ZC3H11A: variants seen among roughly 807,000 people sequenced by gnomAD.
ZC3H11A encodes the protein zinc finger CCCH domain-containing protein 11A.
Under a neutral mutation model 90.8 loss-of-function variants are expected in ZC3H11A, and 22 were observed. That is an observed-to-expected ratio of 0.24 (90% CI 0.17 to 0.35). The LOEUF (loss-of-function observed/expected upper bound fraction) is 0.35, where lower values mean the gene tolerates loss of function less well. ZC3H11A is among the 10% of genes least tolerant of loss of function. The pLI is 1.00. For synonymous variants in ZC3H11A, 294 were observed against 339.8 expected (o/e 0.87, Z 1.48); for missense variants, 701 against 964.9 (o/e 0.73, Z 3.62).
At chr1:203,846,803 T>G (rs1421684583) in intron 12 of ZC3H11A, among the ~76,000 whole-genome samples, 1 of 152,166 alleles carries the variant, frequency 6.6e-6, no homozygotes, top group East Asian at 1.9e-4. Flanking sequence ...AGAGTTTTCC[T>G]TGAGGACCAC....
At chr1:203,815,240 T>C (rs1380810387) in intron 2 of ZC3H11A, among the ~76,000 whole-genome samples, 5 of 91,880 alleles carry the variant, frequency 5.4e-5, no homozygotes, top group Non-Finnish European at 8.7e-5. Flanking sequence ...TTTGAGACAG[T>C]GTCTCGCTCT....
At chr1:203,852,070 C>G in intron 17 of ZC3H11A, 71 bp from the exon 18 acceptor site, 1 of 1,581,628 alleles carries the variant, frequency 6.3e-7, no homozygotes, top group Non-Finnish European at 8.6e-7. Context: ...CACTTTGTGT[C>G]CGTGAGACTA....
At chr1:203,828,148 T>C (rs1681168174) in intron 4 of ZC3H11A, 151 bp from the exon 5 acceptor site, 1 of 870,450 alleles carries the variant, frequency 1.1e-6, no homozygotes, top group African/African-American at 1.7e-5. Flanking sequence ...GTTATGTTAT[T>C]TTCAGCAATC....
chr1:203,815,910 G>A (rs1676225982), intron 2 of ZC3H11A, among the ~76,000 whole-genome samples: 2 of 152,134 alleles, frequency 1.3e-5, no homozygotes, highest in Admixed American at 6.5e-5. Context: ...TTTTAGTGTG[G>A]AGATCAGGGT....
At chr1:203,819,119 CGTGTATATAT>C (rs1677436650) in intron 4 of ZC3H11A, among the ~76,000 whole-genome samples, 2 of 141,064 alleles carry the variant, frequency 1.4e-5, no homozygotes, top group African/African-American at 5.5e-5. Context: ...CACACACACA[CGTGTATATAT>C]ACATATGTAT....
intron 4 of ZC3H11A, among the ~76,000 whole-genome samples, chr1:203,826,050 A>T (rs1318525727): frequency 1.3e-5 from 2 of 152,204 alleles, no homozygotes; most frequent in Non-Finnish European, 2.9e-5. Context: ...TGTAAAATTT[A>T]AGCAAAGGTA....
chr1:203,852,420 T>TA lies in ZC3H11A; in HGVS notation c.*31dup, dbSNP rs373391082. ...GCTGAAGGTGGTAGTGAGGACACTT[T>TA]AAAAAAAAAATCGCCAAAAAACTGG... On this transcript the variant is annotated 3_prime_UTR_variant, in exon 18 of 18. Transcript: ENST00000367210. 7,235 of 1,552,540 alleles carry TA rather than the reference T, an allele frequency of 4.7e-3. 116 individuals carry two copies. In the African/African-American group the frequency reaches 0.058, roughly 12 times the overall value.
rs1553273127 is a variant in ZC3H11A, at chr1:203,853,860, T to TGA, written c.*1462_*1463dup. 6.5e-6 allele frequency: 1 copy of TGA among 152,688 alleles called. No individual in the cohort carries two copies. The highest frequency in any genetic ancestry group is 6.5e-5 in the Admixed American group (1 of 15,288). The allele number at this position is 152,688 out of a possible 1,614,324, so 9.5% of individuals were successfully genotyped here. A position where few individuals can be genotyped will look rare whatever the true frequency, so the allele number is the denominator to read the frequency against. ...CATCTTCAGCTGACTGAATGTTGTA[T>TGA]GATAGCCCTTCTCCAAAGCAGAGGT... is the stretch of plus-strand genomic sequence containing the variant. On this transcript the variant is annotated 3_prime_UTR_variant, in exon 18 of 18. Coordinates refer to ENST00000367210, the MANE Select transcript of ZC3H11A (RefSeq NM_001376342.1).
chr1:203,805,537 C>T (rs1481023527), intron 2 of ZC3H11A: 20 of 547,978 alleles, frequency 3.6e-5, no homozygotes, highest in South Asian at 2.9e-5. Flanking sequence ...AGGACAGAAA[C>T]GTATCTGTTA....
At chr1:203,798,209 C>T (rs1328757381) in intron 1 of ZC3H11A, 4 of 1,536,076 alleles carry the variant, frequency 2.6e-6, no homozygotes, top group South Asian at 1.2e-5. Flanking sequence ...ATAGAATGGG[C>T]AAGAAGCATG....
chr1:203,811,286 C>CA (rs1397762538), intron 2 of ZC3H11A, among the ~76,000 whole-genome samples: 5 of 152,156 alleles, frequency 3.3e-5, no homozygotes, highest in Middle Eastern at 3.4e-3. Context: ...TCAGCCTGGG[C>CA]AACAAGAGCA....
intron 2 of ZC3H11A, among the ~76,000 whole-genome samples, chr1:203,815,301 G>C (rs1675985914): frequency 7.8e-6 from 1 of 128,548 alleles, no homozygotes; most frequent in Middle Eastern, 5.1e-3. Context: ...TGCAACCTCT[G>C]CCTCCTGGGT....
chr1:203,842,383 G>A (rs1441060628), intron 12 of ZC3H11A, among the ~76,000 whole-genome samples: 1 of 152,154 alleles, frequency 6.6e-6, no homozygotes, highest in Non-Finnish European at 1.5e-5. Flanking sequence ...GATCACTCGC[G>A]GTCAGGAGCT....
chr1:203,840,930 G>A (rs777913446), intron 12 of ZC3H11A, among the ~76,000 whole-genome samples: 1 of 151,948 alleles, frequency 6.6e-6, no homozygotes, highest in Non-Finnish European at 1.5e-5. Flanking sequence ...CACCGCACCC[G>A]GCTAAATAGT....
chr1:203,798,598 C>T, intron 1 of ZC3H11A: 1 of 1,536,148 alleles, frequency 6.5e-7, no homozygotes, highest in East Asian at 2.4e-5. Context: ...CAAGATTTAA[C>T]AGCTGAGGAC....
intron 12 of ZC3H11A, 47 bp downstream of exon 12, chr1:203,840,421 T>C: frequency 6.4e-7 from 1 of 1,568,152 alleles, no homozygotes; most frequent in Non-Finnish European, 8.7e-7. Context: ...TTCTTTGCTG[T>C]AAGAGCCTTT....
At chr1:203,841,142 C>CTT (rs1303978527) in intron 12 of ZC3H11A, among the ~76,000 whole-genome samples, 3 of 129,804 alleles carry the variant, frequency 2.3e-5, no homozygotes, top group African/African-American at 5.8e-5. Flanking sequence ...ACATAAGAAT[C>CTT]TTTTTTTTTT....
chr1:203,801,704 C>G lies in ZC3H11A; in HGVS notation c.-1458C>G, dbSNP rs970565241. On this transcript the variant is annotated 5_prime_UTR_variant, in exon 2 of 18. Coordinates refer to ENST00000367210, the MANE Select transcript of ZC3H11A (RefSeq NM_001376342.1). ...TGGATAGTATTTGGCAAGATTTAGC[C>G]TAGAAATTATGTAGTATTTATTACA... 5.9e-5 allele frequency: 9 copies of G among 152,224 alleles called. No individual in the cohort carries two copies. Among genetic ancestry groups the G allele is most frequent in the African/African-American group, 2.2e-4 (9 of 41,302 alleles). The allele number at this position is 152,224 out of a possible 1,614,324, so 9.4% of individuals were successfully genotyped here. A position where few individuals can be genotyped will look rare whatever the true frequency, so the allele number is the denominator to read the frequency against.
chr1:203,800,601 G>A lies in ZC3H11A; in HGVS notation c.-1587-974G>A, dbSNP rs564059098. On this transcript the variant is annotated intron_variant, in intron 1 of 17. Transcript: ENST00000367210. ...TCACACAAGGGCTGAAAATTCCTCA[G>A]AGGCAATATAATTTTGATAAAATGA... is the stretch of plus-strand genomic sequence containing the variant. The A allele has an allele frequency of 1.5e-5, 10 of 683,002 alleles. No individual in the cohort carries two copies. The African/African-American group carries it at 1.9e-4, about 13-fold the overall frequency. 42.3% of individuals were successfully genotyped at this position (683,002 alleles called of 1,614,324 possible). A position where few individuals can be genotyped will look rare whatever the true frequency, so the allele number is the denominator to read the frequency against.
Sources: allele counts gnomAD v4.1 joint callset (sites outside exome capture counted in the v4.1 genomes callset), GRCh38; gene constraint gnomAD v4.1.1; transcripts MANE v1.5; gene names NCBI Gene and HGNC (gene_info 2026-07-23, HGNC 2026-07-21).